Variants in SLC25A30 observed in about 807,000 individuals in gnomAD.
SLC25A30 encodes the protein kidney mitochondrial carrier protein 1.
A neutral mutation model predicts 42.7 loss-of-function variants in SLC25A30; 29 were observed. The observed-to-expected ratio is 0.68, with a 90% confidence interval of 0.51 to 0.93. The LOEUF is 0.93. Among genes scored for constraint, SLC25A30 ranks in the 40% least tolerant of loss-of-function variants. SLC25A30 has a pLI of 0.00. For synonymous variants in SLC25A30, 124 were observed against 131.0 expected, an observed-to-expected ratio of 0.95 and a Z score of 0.37; for missense variants, 300 against 359.7, an observed-to-expected ratio of 0.83 and a Z score of 1.34.
At chr13:45,401,646 A>G (rs1881989485) in intron 6 of SLC25A30, among the ~76,000 whole-genome samples, 1 of 152,108 alleles carries the variant, frequency 6.6e-6, no homozygotes, top group African/African-American at 2.4e-5. Flanking sequence ...ACTGTAACCT[A>G]AAATCCTTCT....
chr13:45,432,309 A>C, the SLC25A30 span, among the ~76,000 whole-genome samples: 1 of 151,950 alleles, frequency 6.6e-6, no homozygotes, highest in South Asian at 2.1e-4. Context: ...CCTCTTTATA[A>C]TTCTCATATT....
At position 45,395,268 on chromosome 13, in the gene SLC25A30, C is replaced by T. The variant is rs1881222755; in HGVS notation, c.*706G>A. ...CAGAACCTAAGCTGCTTGAAAACAC[C>T]CCCCACCAATACAGACCTTGCAACC... On this transcript the variant is annotated 3_prime_UTR_variant, in exon 10 of 10. Transcript: ENST00000519676. 1 of 985,350 alleles carries T rather than the reference C, an allele frequency of 1.0e-6. No individual in the cohort carries two copies. The highest frequency in any genetic ancestry group is 1.2e-6 in the Non-Finnish European group (1 of 830,032). The allele number at this position is 985,350 out of a possible 1,614,324, so 61.0% of individuals were successfully genotyped here.
At chr13:45,402,695 T>A in intron 5 of SLC25A30, 1 of 831,546 alleles carries the variant, frequency 1.2e-6, no homozygotes, top group Non-Finnish European at 1.5e-6. Flanking sequence ...TCCCTACTAC[T>A]ATATAGGTGA....
chr13:45,398,997 T>C lies in SLC25A30; in HGVS notation c.696A>G (p.Arg232=), dbSNP rs113706911. The part of the protein sequence containing the change: ...DVVRTRMMNQ[R]VLRDGRCSGY... ...CAGAACATCTGCCATCTCGAAGCAC[T>C]CTCTGATTCATCATACGTGTCCTCA... is the stretch of plus-strand genomic sequence containing the variant. The change falls in exon 8 of 10, where the codon AGA becomes AGG. Residue 232 remains arginine (R), a synonymous_variant. Coordinates refer to ENST00000519676, the MANE Select transcript of SLC25A30 (RefSeq NM_001010875.4). 1.2e-6 allele frequency: 2 copies of C among 1,614,012 alleles called. No homozygotes were observed. The highest frequency in any genetic ancestry group is 1.7e-6 in the Non-Finnish European group (2 of 1,180,006).
chr13:45,419,130 T>TA (rs374462224), upstream of SLC25A30, among the ~76,000 whole-genome samples: 3,550 of 90,360 alleles, frequency 0.039, 256 homozygotes, highest in African/African-American at 0.16. Context: ...TACTCCCTCT[T>TA]AAAAAAAAAA....
the SLC25A30 span, among the ~76,000 whole-genome samples, chr13:45,426,016 C>T: frequency 6.8e-6 from 1 of 146,544 alleles, no homozygotes; most frequent in African/African-American, 2.5e-5. Flanking sequence ...TATATATATA[C>T]ATATAAAATA....
At position 45,401,193 on chromosome 13, in the gene SLC25A30, A is replaced by G. The variant is rs148595400; in HGVS notation, c.504T>C (p.Thr168=). 3 of 1,613,974 alleles carry G rather than the reference A, an allele frequency of 1.9e-6. No individual in the cohort carries two copies. The highest frequency in any genetic ancestry group is 2.5e-6 in the Non-Finnish European group (3 of 1,179,928). ...CAACAACAATAGCAGCCCTCTGCGCAGTAAGGGACACACCCTGGGTAAAAA... is the reference window on the plus strand; with the variant it reads ...CAACAACAATAGCAGCCCTCTGCGCGGTAAGGGACACACCCTGGGTAAAAA... ...TRGLWKGVSL[T]AQRAAIVVGV... The change falls in exon 7 of 10, where the codon ACT becomes ACC. Residue 168 remains threonine, a synonymous_variant. Coordinates refer to ENST00000519676, the MANE Select transcript of SLC25A30 (RefSeq NM_001010875.4).
At position 45,394,383 on chromosome 13, in the gene SLC25A30, C is replaced by G. The variant is rs1414554162; in HGVS notation, c.*1591G>C. 5.5e-5 allele frequency: 54 copies of G among 985,164 alleles called. No individual in the cohort carries two copies. Among genetic ancestry groups the G allele is most frequent in the Non-Finnish European group, 6.1e-5 (51 of 829,932 alleles). The allele number at this position is 985,164 out of a possible 1,614,324, so 61.0% of individuals were successfully genotyped here. ...AAATGCCTGCGAGGAAAAATTATCTCATCCTCCAAAAAAACCTGCAGTCCT... is the reference window on the plus strand; with the variant it reads ...AAATGCCTGCGAGGAAAAATTATCTGATCCTCCAAAAAAACCTGCAGTCCT... On this transcript the variant is annotated 3_prime_UTR_variant, in exon 10 of 10. Coordinates refer to ENST00000519676, the MANE Select transcript of SLC25A30 (RefSeq NM_001010875.4).
At chr13:45,426,460 G>C in the SLC25A30 span, among the ~76,000 whole-genome samples, 345 of 152,056 alleles carry the variant, frequency 2.3e-3, 2 homozygotes, top group African/African-American at 7.9e-3. Context: ...TTTTCCTCCC[G>C]GGCCCTAAAG....
chr13:45,410,976 C>T, intron 2 of SLC25A30, among the ~76,000 whole-genome samples: 1 of 152,150 alleles, frequency 6.6e-6, no homozygotes, highest in African/African-American at 2.4e-5. Flanking sequence ...CTCACTCTGT[C>T]ACCCAGGCTG....
At chr13:45,413,498 G>A (rs994447824) in intron 1 of SLC25A30, among the ~76,000 whole-genome samples, 13 of 151,722 alleles carry the variant, frequency 8.6e-5, no homozygotes, top group African/African-American at 2.7e-4. Flanking sequence ...TTCCTGAAAG[G>A]ATGGCTTGAG....
the SLC25A30 span, among the ~76,000 whole-genome samples, chr13:45,432,630 C>T: frequency 5.3e-5 from 8 of 150,372 alleles, no homozygotes; most frequent in Non-Finnish European, 1.0e-4. Flanking sequence ...TTGAACAATA[C>T]AATTTCAAAA....
chr13:45,423,754 A>ATATAAATATG, the SLC25A30 span, among the ~76,000 whole-genome samples: 2 of 81,884 alleles, frequency 2.4e-5, 1 homozygote, highest in African/African-American at 1.1e-4. Flanking sequence ...ATATAAATAT[A>ATATAAATATG]TATAAATATA....
At chr13:45,426,025 T>C in the SLC25A30 span, among the ~76,000 whole-genome samples, 1,245 of 147,176 alleles carry the variant, frequency 8.5e-3, 12 homozygotes, top group Non-Finnish European at 0.012. Flanking sequence ...ACATATAAAA[T>C]ATATAAAGTA....
chr13:45,407,413 T>C (rs1271260788), intron 3 of SLC25A30, among the ~76,000 whole-genome samples: 1 of 151,848 alleles, frequency 6.6e-6, no homozygotes, highest in African/African-American at 2.4e-5. Context: ...TGTGTGCAGC[T>C]AGGTGCAGTG....
At chr13:45,416,637 G>A (rs1438537457) in intron 1 of SLC25A30, among the ~76,000 whole-genome samples, 2 of 151,942 alleles carry the variant, frequency 1.3e-5, no homozygotes, top group Non-Finnish European at 2.9e-5. Context: ...TAGGTATGGT[G>A]GTACGCGACT....
intron 3 of SLC25A30, among the ~76,000 whole-genome samples, chr13:45,407,594 T>C (rs1432675790): frequency 6.6e-6 from 1 of 152,138 alleles, no homozygotes; most frequent in Non-Finnish European, 1.5e-5. Flanking sequence ...AAAAGACTGA[T>C]GACTCCAAAT....
the SLC25A30 span, among the ~76,000 whole-genome samples, chr13:45,424,189 G>C: frequency 9.4e-4 from 27 of 28,738 alleles, no homozygotes; most frequent in African/African-American, 1.3e-3. Context: ...AAATATTTAT[G>C]AATATAAATA....
At chr13:45,424,697 A>T in the SLC25A30 span, among the ~76,000 whole-genome samples, 1 of 67,662 alleles carries the variant, frequency 1.5e-5, no homozygotes, top group Non-Finnish European at 2.7e-5. Flanking sequence ...ATATATATAA[A>T]GATATATAAA....
Sources: gnomAD v4.1 joint callset for allele counts (sites outside exome capture counted in the v4.1 genomes callset) on GRCh38, gnomAD v4.1.1 for gene constraint, MANE v1.5 for transcripts, NCBI Gene and HGNC (gene_info 2026-07-23, HGNC 2026-07-21) for gene names.